The following ACAD10 variants were observed in gnomAD, a reference collection of about 807,000 sequenced individuals.
ACAD10 encodes the protein acyl-CoA dehydrogenase family member 10.
A neutral mutation model predicts 116.8 loss-of-function variants in ACAD10; 112 were observed. The observed-to-expected ratio is 0.96, with a 90% CI of 0.82 to 1.12. The LOEUF (loss-of-function observed/expected upper bound fraction) is 1.12, where lower values mean the gene tolerates loss of function less well. Among genes scored for constraint, ACAD10 ranks in the 50% most tolerant of loss-of-function variants. ACAD10 has a pLI of 0.00. For missense variants in ACAD10, 1,259 were observed against 1,350.2 expected (o/e 0.93, Z 1.06); for synonymous variants, 486 against 510.6 (o/e 0.95, Z 0.65).
chr12:111,740,419 C>T (rs1197158700), intron 12 of ACAD10, among the ~76,000 whole-genome samples: 1 of 149,422 alleles, frequency 6.7e-6, no homozygotes, highest in African/African-American at 2.5e-5. Context: ...AGAGATCGTG[C>T]CACTACACTC....
At chr12:111,729,753 A>T in intron 9 of ACAD10, 53 bp from the exon 10 acceptor site, 3 of 1,583,894 alleles carry the variant, frequency 1.9e-6, no homozygotes, top group Admixed American at 3.6e-5. Context: ...TTTTTCCGCT[A>T]CTTTCAGAGG....
At chr12:111,750,258 A>T (rs1303391112) in intron 18 of ACAD10, among the ~76,000 whole-genome samples, 1 of 151,196 alleles carries the variant, frequency 6.6e-6, no homozygotes, top group Non-Finnish European at 1.5e-5. Context: ...TGCCTGGCTA[A>T]TTTTTTGTAT....
chr12:111,753,653 C>T (rs778101166), intron 18 of ACAD10, 119 bp from the exon 19 acceptor site: 8 of 1,367,522 alleles, frequency 5.8e-6, no homozygotes, highest in Non-Finnish European at 8.2e-6. Flanking sequence ...CCTGGTTTCA[C>T]TCTCCTCCCC....
chr12:111,708,086 G>A (rs940809430), intron 4 of ACAD10, among the ~76,000 whole-genome samples: 8 of 152,106 alleles, frequency 5.3e-5, no homozygotes, highest in Non-Finnish European at 1.0e-4. Context: ...ATAGAGCCTT[G>A]ATAAATAAAA....
At chr12:111,701,952 A>T (rs1484554345) in intron 2 of ACAD10, among the ~76,000 whole-genome samples, 1 of 152,188 alleles carries the variant, frequency 6.6e-6, no homozygotes, top group Non-Finnish European at 1.5e-5. Flanking sequence ...GCTTCACAGC[A>T]GTGTGCTCTC....
intron 20 of ACAD10, 27 bp from the exon 21 acceptor site, chr12:111,756,306 C>A (rs769941618): frequency 1.3e-5 from 20 of 1,559,224 alleles, no homozygotes; most frequent in Non-Finnish European, 1.7e-5. Context: ...GACCCAGGGC[C>A]GCCTCCCTCC....
chr12:111,705,946 A>G lies in ACAD10; in HGVS notation c.531+14A>G, dbSNP rs1888489687. ...CAGTTTGATGTGGTAAGCTTGAGCT[A>G]ATTGAAAACCATTGGAACAGAATCT... On this transcript the variant is annotated intron_variant, in intron 4 of 20. Transcript: ENST00000313698. 6.2e-7 allele frequency: 1 copy of G among 1,612,650 alleles called. No homozygotes were observed. Among genetic ancestry groups the G allele is most frequent in the Non-Finnish European group, 8.5e-7 (1 of 1,179,064 alleles).
At chr12:111,704,603 A>G (rs1010100234) in intron 3 of ACAD10, among the ~76,000 whole-genome samples, 3 of 152,102 alleles carry the variant, frequency 2.0e-5, no homozygotes, top group African/African-American at 7.2e-5. Flanking sequence ...CTGTGTGTGT[A>G]TATGTATATA....
chr12:111,722,534 C>G (rs991056791), intron 8 of ACAD10, among the ~76,000 whole-genome samples: 2 of 151,888 alleles, frequency 1.3e-5, no homozygotes, highest in African/African-American at 4.9e-5. Flanking sequence ...ACCCTGCGGC[C>G]TTCCGCAGTG....
chr12:111,709,928 G>A, intron 5 of ACAD10: 2 of 472,294 alleles, frequency 4.2e-6, no homozygotes, highest in Non-Finnish European at 7.5e-6. Flanking sequence ...GAGGTGAATG[G>A]CAGGCTTAAG....
intron 2 of ACAD10, among the ~76,000 whole-genome samples, chr12:111,698,679 G>A (rs927594556): frequency 6.6e-6 from 1 of 151,662 alleles, no homozygotes; most frequent in Non-Finnish European, 1.5e-5. Flanking sequence ...GTTTCTCCAC[G>A]TTGGTCAGGC....
In ACAD10 at chr12:111,746,280, C is replaced by T. The variant is rs1271933235; in HGVS notation, c.2252C>T (p.Pro751Leu). ...CELMGTSLYA[P>L]EVCNCSAPDT... ...CTCATGGGCACGTCCCTGTATGCCC[C>T]CGAGGTACCTTCTTTAAAGTTTTCC... Residue 751 changes from proline (P) to leucine (L), a missense_variant, in exon 14 of 21, where the codon CCC (proline) becomes CTC (leucine). Physicochemically the swap from Pro to Leu is moderately conservative, Grantham distance 98. Transcript: ENST00000313698. 2 of 1,610,298 alleles carry T rather than the reference C, an allele frequency of 1.2e-6. No homozygotes were observed. The highest frequency in any genetic ancestry group is 1.3e-5 in the African/African-American group (1 of 74,618).
intron 7 of ACAD10, among the ~76,000 whole-genome samples, chr12:111,718,943 A>T (rs1458619233): frequency 6.6e-6 from 1 of 151,948 alleles, no homozygotes; most frequent in Non-Finnish European, 1.5e-5. Context: ...TGTCTCTAAT[A>T]AAAATACAAA....
At position 111,749,295 on chromosome 12, in the gene ACAD10, A is replaced by C. The variant is rs747335262; in HGVS notation, c.2767A>C (p.Met923Leu). The C allele has an allele frequency of 6.2e-7, 1 of 1,614,060 alleles. No individual in the cohort carries two copies. The highest frequency in any genetic ancestry group is 1.1e-5 in the South Asian group (1 of 91,084). ...GGGCCCCGGCAGGATCCATCACTGC[A>C]TGAGGCTGATCGGGTTCTCAGAGAG... ...RLGPGRIHHCMRLIGFSERAL... is the reference protein window; with the variant it reads ...RLGPGRIHHCLRLIGFSERAL... Residue 923 changes from methionine (M) to leucine (L), a missense_variant, in exon 18 of 21, where the codon ATG becomes CTG. Met to Leu is a conservative substitution (Grantham distance 15). Coordinates refer to ENST00000313698, the MANE Select transcript of ACAD10 (RefSeq NM_025247.6).
chr12:111,755,517 C>G, intron 19 of ACAD10, 151 bp from the exon 20 acceptor site: 1 of 646,124 alleles, frequency 1.5e-6, no homozygotes, highest in Non-Finnish European at 2.8e-6. Context: ...ATCCTCTCAC[C>G]TCAGCCTCCT....
rs1458118293 is a variant in ACAD10 at position 111,735,657 on chromosome 12, G to A, written c.1541-1174G>A. 3.9e-5 allele frequency among the ~76,000 whole-genome samples: 6 copies of A among 152,018 alleles called. No individual in the cohort carries two copies. The East Asian group carries it at 9.7e-4, about 25-fold the overall frequency. On this transcript the variant is annotated intron_variant, in intron 11 of 20. Coordinates refer to ENST00000313698, the MANE Select transcript of ACAD10 (RefSeq NM_025247.6). ...TTTGTAGTAGACATGGGGTTTCACC[G>A]TGTTAGCCAGGATGGTCTCGATCTC...
intron 18 of ACAD10, among the ~76,000 whole-genome samples, chr12:111,750,989 G>C (rs1890058591): frequency 6.6e-6 from 1 of 152,176 alleles, no homozygotes; most frequent in Non-Finnish European, 1.5e-5. Context: ...CAGGTATGGT[G>C]CTTCAGCCCC....
intron 2 of ACAD10, among the ~76,000 whole-genome samples, chr12:111,696,540 A>G (rs763315258): frequency 2.6e-5 from 4 of 152,212 alleles, no homozygotes; most frequent in Admixed American, 1.3e-4. Flanking sequence ...CATATTGTCC[A>G]TGACTGCTTT....
Position 111,746,248 on chromosome 12 carries a change from G to C in ACAD10, c.2220G>C (p.Leu740=). The C allele has an allele frequency of 6.2e-7, 1 of 1,613,852 alleles. No individual in the cohort carries two copies. The highest frequency in any genetic ancestry group is 8.5e-7 in the Non-Finnish European group (1 of 1,179,908). Residue 740 remains leucine, a synonymous_variant, in exon 14 of 21, where the codon CTG becomes CTC. Coordinates refer to ENST00000313698, the MANE Select transcript of ACAD10 (RefSeq NM_025247.6). ...AGLTNVEYAH[L]CELMGTSLYA... is the part of the protein sequence containing the mutation. ...TGACCAATGTGGAATATGCACATCTGTGTGAGCTCATGGGCACGTCCCTGT... is the reference window on the plus strand; with the variant it reads ...TGACCAATGTGGAATATGCACATCTCTGTGAGCTCATGGGCACGTCCCTGT...
Sources: allele counts gnomAD v4.1 joint callset (sites outside exome capture counted in the v4.1 genomes callset), GRCh38; gene constraint gnomAD v4.1.1; transcripts MANE v1.5; gene names NCBI Gene and HGNC (gene_info 2026-07-23, HGNC 2026-07-21).